IQCJ: variants seen among roughly 807,000 people sequenced by gnomAD.
IQCJ encodes IQ motif containing J.
IQCJ carries 9 observed loss-of-function variants against 11.0 expected under a neutral mutation model. The observed-to-expected ratio is 0.82, with a 90% CI of 0.49 to 1.43. IQCJ has a LOEUF of 1.43. Among genes scored for constraint, IQCJ ranks in the 40% most tolerant of loss-of-function variants. The pLI is 0.00. For missense variants in IQCJ, 146 were observed against 133.2 expected (o/e 1.10, Z -0.47); for synonymous variants, 55 against 51.3 (o/e 1.07, Z -0.31).
At chr3:159,194,659 T>G (rs887243992) in intron 1 of IQCJ, among the ~76,000 whole-genome samples, 7 of 152,202 alleles carry the variant, frequency 4.6e-5, no homozygotes, top group African/African-American at 1.2e-4. Context: ...CCTTGCATAG[T>G]ATATCTATTT....
chr3:159,190,279 A>G (rs1723607016), intron 1 of IQCJ, among the ~76,000 whole-genome samples: 1 of 152,224 alleles, frequency 6.6e-6, no homozygotes, highest in South Asian at 2.1e-4. Context: ...TAATCAAGAA[A>G]AACAGCCATC....
At chr3:159,125,412 A>C (rs750825060) in intron 1 of IQCJ, among the ~76,000 whole-genome samples, 1 of 152,206 alleles carries the variant, frequency 6.6e-6, no homozygotes, top group African/African-American at 2.4e-5. Context: ...AATGGACTTT[A>C]GGTAAAGACT....
intron 1 of IQCJ, among the ~76,000 whole-genome samples, chr3:159,169,279 C>CTTTTTTTTTTTTTTT (rs141888128): frequency 4.4e-4 from 25 of 56,370 alleles, no homozygotes; most frequent in African/African-American, 8.6e-4. Flanking sequence ...TTCTTTCTTT[C>CTTTTTTTTTTTTTTT]TTTTTTTTTT....
downstream of IQCJ, chr3:159,266,233 C>T (rs528921877): frequency 6.6e-6 from 1 of 152,268 alleles, no homozygotes; most frequent in South Asian, 2.1e-4. Context: ...TATTCTTCCA[C>T]TATATTACTT....
intron 1 of IQCJ, among the ~76,000 whole-genome samples, chr3:159,197,964 T>G (rs370570808): frequency 6.6e-6 from 1 of 152,302 alleles, no homozygotes; most frequent in South Asian, 2.1e-4. Context: ...CATGGGCTGA[T>G]GTGTTCTGTG....
At chr3:159,198,122 C>G (rs1724099231) in intron 1 of IQCJ, among the ~76,000 whole-genome samples, 1 of 152,076 alleles carries the variant, frequency 6.6e-6, no homozygotes, top group Admixed American at 6.5e-5. Flanking sequence ...CTGAAATGAG[C>G]CTTTATCCTA....
intron 3 of IQCJ, among the ~76,000 whole-genome samples, chr3:159,261,865 G>A (rs1475985726): frequency 6.6e-6 from 1 of 152,230 alleles, no homozygotes; most frequent in African/African-American, 2.4e-5. Context: ...TTAATTCTCT[G>A]AGTAGTACGT....
chr3:159,133,693 G>A (rs949595789), intron 1 of IQCJ, among the ~76,000 whole-genome samples: 1 of 152,114 alleles, frequency 6.6e-6, no homozygotes, highest in African/African-American at 2.4e-5. Context: ...TTCTGTACCA[G>A]TGCTCCACTA....
intron 1 of IQCJ, among the ~76,000 whole-genome samples, chr3:159,147,438 G>A (rs1720982201): frequency 6.6e-6 from 1 of 152,156 alleles, no homozygotes; most frequent in South Asian, 2.1e-4. Context: ...GATTAAGACA[G>A]AAGATATGAG....
At chr3:159,254,524 A>G (rs1438500272) in intron 3 of IQCJ, among the ~76,000 whole-genome samples, 1 of 152,208 alleles carries the variant, frequency 6.6e-6, no homozygotes, top group Non-Finnish European at 1.5e-5. Flanking sequence ...TTGCCCAACA[A>G]TAGAACTTGA....
At chr3:159,153,482 T>C (rs553575023) in intron 1 of IQCJ, among the ~76,000 whole-genome samples, 1 of 152,354 alleles carries the variant, frequency 6.6e-6, no homozygotes, top group African/African-American at 2.4e-5. Context: ...CGTTCATTTC[T>C]TCATTCAACA....
chr3:159,089,866 T>C (rs1041767885), intron 1 of IQCJ, among the ~76,000 whole-genome samples: 1 of 151,810 alleles, frequency 6.6e-6, no homozygotes. Context: ...TTGGTTTGAG[T>C]GTCCTCCTGT....
chr3:159,087,750 G>A lies in IQCJ; in HGVS notation c.9+18309G>A, dbSNP rs1315187664. ...TCTGATGGTAGTTTGTATTTCTGTG[G>A]GATCGGTGGTGATATCCCCTTTATC... On this transcript the variant is annotated intron_variant, in intron 1 of 3. Coordinates refer to ENST00000397832, the MANE Select transcript of IQCJ (RefSeq NM_001042706.3). Among the ~76,000 whole-genome samples, 3 of 150,862 alleles carry A rather than the reference G, an allele frequency of 2.0e-5. No homozygotes were observed. The East Asian group carries it at 5.9e-4, about 29-fold the overall frequency.
intron 1 of IQCJ, among the ~76,000 whole-genome samples, chr3:159,107,156 C>A (rs1240215617): frequency 6.6e-6 from 1 of 152,132 alleles, no homozygotes; most frequent in African/African-American, 2.4e-5. Context: ...TCCTCTACCC[C>A]AAACTTCATA....
intron 1 of IQCJ, among the ~76,000 whole-genome samples, chr3:159,240,715 C>T (rs1031480747): frequency 2.0e-5 from 3 of 151,932 alleles, no homozygotes; most frequent in Non-Finnish European, 4.4e-5. Flanking sequence ...TTTGGGAGGC[C>T]GAGGTCCAGC....
chr3:159,085,425 A>G (rs1274267976), intron 1 of IQCJ, among the ~76,000 whole-genome samples: 2 of 152,214 alleles, frequency 1.3e-5, no homozygotes, highest in Non-Finnish European at 2.9e-5. Flanking sequence ...TCATTTGGGT[A>G]TATACCCAGT....
chr3:159,236,268 GAAA>G (rs35351745), intron 1 of IQCJ, among the ~76,000 whole-genome samples: 1 of 113,102 alleles, frequency 8.8e-6, no homozygotes. Flanking sequence ...TGCTCCTTTT[GAAA>G]AAAAAAAAAA....
chr3:159,242,401 T>C (rs1302708900), intron 1 of IQCJ, among the ~76,000 whole-genome samples: 1 of 152,190 alleles, frequency 6.6e-6, no homozygotes, highest in Non-Finnish European at 1.5e-5. Context: ...AGCAGCTCCA[T>C]GGTTTCATCA....
chr3:159,262,453 AT>A, intron 3 of IQCJ, 94 bp from the exon 4 acceptor site: 1 of 1,516,796 alleles, frequency 6.6e-7, no homozygotes, highest in Non-Finnish European at 8.8e-7. Context: ...ACCAAAGCCA[AT>A]TCCTTCAGAC....
Sources: allele counts gnomAD v4.1 joint callset (sites outside exome capture counted in the v4.1 genomes callset), GRCh38; gene constraint gnomAD v4.1.1; transcripts MANE v1.5; gene names NCBI Gene and HGNC (gene_info 2026-07-23, HGNC 2026-07-21).